The following APOB variants were observed in gnomAD, a reference collection of about 807,000 sequenced individuals.
APOB encodes apolipoprotein B.
APOB carries 153 observed loss-of-function variants against 314.1 expected under a neutral mutation model. That is an observed-to-expected ratio of 0.49 (90% CI 0.43 to 0.56). APOB has a LOEUF of 0.56. Ranked by LOEUF, APOB falls within the 20% of genes least tolerant of loss-of-function variation. The pLI, the probability that APOB is intolerant of heterozygous loss-of-function variation, is 0.00. For missense variants in APOB, 5,430 were observed against 5,350.7 expected, an observed-to-expected ratio of 1.01 and a Z score of -0.46; for synonymous variants, 2,087 against 2,036.4, an observed-to-expected ratio of 1.02 and a Z score of -0.67.
chr2:21,043,920 AGCAGC>A lies in APOB; in HGVS notation c.21_25del (p.Leu8GlyfsTer48). On this transcript the variant is annotated frameshift_variant, in exon 1 of 29. Coordinates refer to ENST00000233242, the MANE Select transcript of APOB (RefSeq NM_000384.3). LOFTEE classifies it high-confidence loss of function. ...CAGCGCAGGCAGCGCCAGCAGCGCC[AGCAGC>A]GCGGGCCTCGGCGGGTCCATCGCCA... 1.1e-6 allele frequency: 1 copy of A among 935,298 alleles called. No homozygotes were observed. The highest frequency in any genetic ancestry group is 1.8e-5 in the South Asian group (1 of 54,316). 57.9% of individuals were successfully genotyped at this position (935,298 alleles called of 1,614,324 possible). A position where few individuals can be genotyped will look rare whatever the true frequency, so the allele number is the denominator to read the frequency against.
chr2:21,042,588 T>A, intron 2 of APOB, 112 bp from the exon 3 acceptor site: 1 of 780,134 alleles, frequency 1.3e-6, no homozygotes, highest in Non-Finnish European at 2.3e-6. Flanking sequence ...GTAATTCAAC[T>A]CAAATTATTT....
chr2:21,001,526 A>G lies in APOB; in HGVS notation c.*204T>C. 2 of 550,732 alleles carry G rather than the reference A, an allele frequency of 3.6e-6. No homozygotes were observed. Among genetic ancestry groups the G allele is most frequent in the Admixed American group, 3.6e-5 (1 of 27,698 alleles). The allele number at this position is 550,732 out of a possible 1,614,324, so 34.1% of individuals were successfully genotyped here. On this transcript the variant is annotated 3_prime_UTR_variant, in exon 29 of 29. Coordinates refer to ENST00000233242, the MANE Select transcript of APOB (RefSeq NM_000384.3). Reference sequence around the variant, plus strand: ...TTTTCTTTAACTTGCAAAAAATGCCATCCTTCTGAGTTCAGAGACCTTCCG... The same window carrying G: ...TTTTCTTTAACTTGCAAAAAATGCCGTCCTTCTGAGTTCAGAGACCTTCCG...
intron 14 of APOB, 61 bp downstream of exon 14, chr2:21,027,767 G>A: frequency 2.3e-6 from 3 of 1,309,220 alleles, no homozygotes; most frequent in Non-Finnish European, 3.3e-6. Flanking sequence ...GGCTCCCAGG[G>A]ACTCTCTGTT....
Position 21,011,189 on chromosome 2 carries a change from G to T in APOB, c.5679C>A (p.Ser1893Arg). 6.2e-7 allele frequency: 1 copy of T among 1,614,210 alleles called. No individual in the cohort carries two copies. The highest frequency in any genetic ancestry group is 8.5e-7 in the Non-Finnish European group (1 of 1,180,028). ...GGGCCATTACAGAACGGAAGACATT[G>T]CTGAAATGCAGTGAGTCTGAATTAT... Reference protein sequence around the residue: ...TNYNSDSLHFSNVFRSVMAPF... With the variant: ...TNYNSDSLHFRNVFRSVMAPF... The change falls in exon 26 of 29, where the codon AGC becomes AGA. Residue 1893 changes from serine (S) to arginine (R), a missense_variant. Transcript: ENST00000233242.
rs753032549 is a variant in APOB at position 21,029,852 on chromosome 2, A to G, written c.1470+46T>C. On this transcript the variant is annotated intron_variant, in intron 11 of 28. Coordinates refer to ENST00000233242, the MANE Select transcript of APOB (RefSeq NM_000384.3). ...AGAGGGAAGTAAAAGGTGTCCAGGA[A>G]AAGTGCTTCTGAAATGATGTATGTC... The G allele has an allele frequency of 7.4e-6, 12 of 1,610,804 alleles. No homozygotes were observed. The East Asian group carries it at 2.2e-4, about 30-fold the overall frequency.
chr2:21,010,258 C>T lies in APOB; in HGVS notation c.6610G>A (p.Glu2204Lys). ...AGACTTTTTAATTTTTCAATGATTT[C>T]ATCAATAATATTAGCAATAGCTATT... ...LKIAIANIID[E>K]IIEKLKSLDE... Residue 2204 changes from glutamate to lysine, a missense_variant, in exon 26 of 29, where the codon GAA becomes AAA. Glu to Lys is a moderately conservative substitution (Grantham distance 56). Transcript: ENST00000233242. The T allele has an allele frequency of 6.4e-7, 1 of 1,556,138 alleles. No homozygotes were observed. The highest frequency in any genetic ancestry group is 8.7e-7 in the Non-Finnish European group (1 of 1,153,080).
chr2:21,002,594 T>TA lies in APOB; in HGVS notation c.12827dup (p.Leu4276PhefsTer10). ...TAAATACCTCTTGGGCTTCTTTTGATAAATCTTTCAACAGTTCCCTATACA... is the reference window on the plus strand; with the variant it reads ...TAAATACCTCTTGGGCTTCTTTTGATAAAATCTTTCAACAGTTCCCTATACA... On this transcript the variant is annotated frameshift_variant, in exon 29 of 29. Transcript: ENST00000233242. LOFTEE classifies it low-confidence loss of function (END_TRUNC). 1 of 1,614,124 alleles carries TA rather than the reference T, an allele frequency of 6.2e-7. No individual in the cohort carries two copies. The highest frequency in any genetic ancestry group is 2.2e-5 in the East Asian group (1 of 44,886).
rs991822607 is a variant in APOB at position 21,004,398 on chromosome 2, G to A, written c.11958C>T (p.Leu3986=). The A allele has an allele frequency of 1.2e-6, 2 of 1,613,978 alleles. No individual in the cohort carries two copies. Among genetic ancestry groups the A allele is most frequent in the African/African-American group, 1.3e-5 (1 of 74,926 alleles). ...LNIKSPAFTD[L]HLRYQKDKKG... ...TCTTGTCTTTCTGGTAGCGCAGATGGAGATCGGTGAACGCTGGGCTTTTGA... is the reference window on the plus strand; with the variant it reads ...TCTTGTCTTTCTGGTAGCGCAGATGAAGATCGGTGAACGCTGGGCTTTTGA... The change falls in exon 28 of 29, where the codon CTC becomes CTT. Residue 3986 remains leucine (L), a synonymous_variant. Transcript: ENST00000233242.
chr2:21,023,460 T>C (rs1663662824), intron 17 of APOB, 65 bp downstream of exon 17: 3 of 1,567,348 alleles, frequency 1.9e-6, no homozygotes, highest in Admixed American at 1.7e-5. Flanking sequence ...AAATATGTTT[T>C]AACAAGAAAT....
intron 12 of APOB, 146 bp downstream of exon 12, chr2:21,029,493 G>GAGGAAGGA (rs67556837): frequency 5.5e-5 from 44 of 805,286 alleles, no homozygotes; most frequent in African/African-American, 5.0e-4. Flanking sequence ...GGGAGGGAGG[G>GAGGAAGGA]AGGAAGGAAG....
In APOB at chr2:21,015,354, G is replaced by C; in HGVS notation, c.3508+16C>G. 1.2e-6 allele frequency: 2 copies of C among 1,614,094 alleles called. No individual in the cohort carries two copies. Among genetic ancestry groups the C allele is most frequent in the Non-Finnish European group, 1.7e-6 (2 of 1,179,994 alleles). ...CATTACTTTGGAAGTGCTCACACAG[G>C]GGAAGAGACACATACCATAATGCCA... On this transcript the variant is annotated intron_variant, in intron 22 of 28. Transcript: ENST00000233242.
Position 21,019,868 on chromosome 2 carries a change from C to G in APOB, c.2854G>C (p.Val952Leu). 1 of 1,614,146 alleles carries G rather than the reference C, an allele frequency of 6.2e-7. No homozygotes were observed. The highest frequency in any genetic ancestry group is 1.3e-5 in the African/African-American group (1 of 75,022). ...LHLVSTTKTEVIPPLIENRQS... is the reference protein window; with the variant it reads ...LHLVSTTKTELIPPLIENRQS... Reference sequence around the variant, plus strand: ...CTGTTCTCAATGAGAGGTGGGATCACCTCCGTTTTGGTGGTAGAGACCAAA... The same window carrying G: ...CTGTTCTCAATGAGAGGTGGGATCAGCTCCGTTTTGGTGGTAGAGACCAAA... Residue 952 changes from valine to leucine, a missense_variant, in exon 19 of 29, where the codon GTG (valine) becomes CTG (leucine). Physicochemically the swap from Val to Leu is conservative, Grantham distance 32 (BLOSUM62 1). Transcript: ENST00000233242.
intron 17 of APOB, 79 bp from the exon 18 acceptor site, chr2:21,023,121 C>T (rs1008924611): frequency 7.9e-7 from 1 of 1,267,214 alleles, no homozygotes; most frequent in African/African-American, 1.5e-5. Flanking sequence ...CCCTTTCTCA[C>T]CTCCGGGCAA....
intron 18 of APOB, among the ~76,000 whole-genome samples, chr2:21,020,849 C>A (rs1435508595): frequency 6.6e-6 from 1 of 152,206 alleles, no homozygotes; most frequent in Non-Finnish European, 1.5e-5. Flanking sequence ...TGCTCTTTGG[C>A]TTCTGTGACC....
At chr2:21,019,678 G>A (rs1663550777) in intron 19 of APOB, 45 bp downstream of exon 19, 9 of 1,590,656 alleles carry the variant, frequency 5.7e-6, no homozygotes, top group Non-Finnish European at 7.8e-6. Flanking sequence ...TGGCCATGAT[G>A]TGGAAGGTGA....
At chr2:21,041,931 AT>A (rs1325414831) in intron 3 of APOB, among the ~76,000 whole-genome samples, 1 of 152,098 alleles carries the variant, frequency 6.6e-6, no homozygotes, top group African/African-American at 2.4e-5. Flanking sequence ...GTATGTTTAT[AT>A]TTTTTTCTTC....
Position 21,009,708 on chromosome 2 carries a change from TTTATC to T in APOB, c.7155_7159del (p.Ile2386ArgfsTer4). 6.2e-7 allele frequency: 1 copy of T among 1,613,594 alleles called. No homozygotes were observed. The highest frequency in any genetic ancestry group is 8.5e-7 in the Non-Finnish European group (1 of 1,179,764). On this transcript the variant is annotated frameshift_variant, in exon 26 of 29. Coordinates refer to ENST00000233242, the MANE Select transcript of APOB (RefSeq NM_000384.3). LOFTEE classifies it high-confidence loss of function. ...TCCAACCAATTTCTCAAAGTAATCT[TTTATC>T]TTAACTTGTTGTAGGACATTGCTTA...
In APOB at chr2:21,006,483, T is replaced by C. The variant is rs200305144; in HGVS notation, c.10385A>G (p.Tyr3462Cys). 124 of 1,614,010 alleles carry C rather than the reference T, an allele frequency of 7.7e-5. No individual in the cohort carries two copies. The highest frequency in any genetic ancestry group is 6.7e-5 in the Admixed American group (4 of 60,002). Residue 3462 changes from tyrosine to cysteine, a missense_variant, in exon 26 of 29, where the codon TAT (tyrosine) becomes TGT (cysteine). Around this residue, in one of 3 missense-constraint regions of APOB, gnomAD observed 3,281 missense variants for 3,171.0 expected, o/e 1.03. Coordinates refer to ENST00000233242, the MANE Select transcript of APOB (RefSeq NM_000384.3). ...PTVSSSMEFK[Y>C]DFNSSMLYST... ...GTACAGCATTGAAGAATTGAAATCA[T>C]ACTTAAATTCCATGGAGGAAGAGAC... is the stretch of plus-strand genomic sequence containing the variant.
At chr2:21,018,873 G>T in intron 20 of APOB, 119 bp downstream of exon 20, 1 of 1,476,308 alleles carries the variant, frequency 6.8e-7, no homozygotes, top group Non-Finnish European at 9.4e-7. Context: ...TAGGCCTGCC[G>T]CTTAGTGGGT....
Sources: allele counts gnomAD v4.1 joint callset (sites outside exome capture counted in the v4.1 genomes callset), GRCh38; gene constraint gnomAD v4.1.1; regional missense constraint gnomAD v4.1.1; transcripts MANE v1.5; gene names NCBI Gene and HGNC (gene_info 2026-07-23, HGNC 2026-07-21).